The following PTPRD variants were observed in gnomAD, a reference collection of about 807,000 sequenced individuals.
The protein encoded by PTPRD is protein tyrosine phosphatase receptor type D.
Under a neutral mutation model 214.5 loss-of-function variants are expected in PTPRD, and 34 were observed. That is an observed-to-expected ratio of 0.16 (90% CI 0.12 to 0.21). PTPRD has a LOEUF of 0.21. Ranked by LOEUF, PTPRD falls within the 10% of genes least tolerant of loss-of-function variation. The probability of loss-of-function intolerance (pLI) is 1.00; values close to 1 mark genes in which losing one functional copy is unlikely to be tolerated. For missense variants in PTPRD, 2,545 were observed against 2,398.7 expected (o/e 1.06, Z -1.27); for synonymous variants, 1,128 against 845.7 (o/e 1.33, Z -5.79).
chr9:8,332,186 G>GGCATGTCATCCAGACCAGA (rs1433890228), intron 43 of PTPRD, among the ~76,000 whole-genome samples: 1 of 152,038 alleles, frequency 6.6e-6, no homozygotes, highest in Non-Finnish European at 1.5e-5. Flanking sequence ...CAAGCACCTA[G>GGCATGTCATCCAGACCAGA]GCATGTCATC....
intron 11 of PTPRD, among the ~76,000 whole-genome samples, chr9:8,812,473 T>C (rs909194545): frequency 1.3e-5 from 2 of 152,330 alleles, no homozygotes; most frequent in African/African-American, 4.8e-5. Flanking sequence ...CCACTTATTT[T>C]TTACTCTCAA....
At chr9:9,158,415 C>T (rs1250448749) in intron 10 of PTPRD, among the ~76,000 whole-genome samples, 6 of 152,030 alleles carry the variant, frequency 3.9e-5, no homozygotes, top group Non-Finnish European at 2.9e-5. Flanking sequence ...GCCTGGCCAA[C>T]ATGCTAAAAC....
chr9:9,564,188 A>G (rs922165736), intron 8 of PTPRD, among the ~76,000 whole-genome samples: 3 of 152,170 alleles, frequency 2.0e-5, no homozygotes, highest in African/African-American at 7.2e-5. Context: ...GTACCTGTGT[A>G]TTAACTTTGT....
At chr9:9,353,196 T>C (rs1330699567) in intron 9 of PTPRD, among the ~76,000 whole-genome samples, 2 of 151,916 alleles carry the variant, frequency 1.3e-5, no homozygotes, top group Non-Finnish European at 2.9e-5. Context: ...GTATCTTGAT[T>C]CAGGTTACCA....
At chr9:9,895,874 T>C in intron 5 of PTPRD, among the ~76,000 whole-genome samples, 1 of 152,122 alleles carries the variant, frequency 6.6e-6, no homozygotes, top group East Asian at 1.9e-4. Context: ...AAATCGAGTC[T>C]ATCACGAAGG....
At chr9:8,562,844 TTTC>T (rs1321384439) in intron 14 of PTPRD, among the ~76,000 whole-genome samples, 17 of 151,460 alleles carry the variant, frequency 1.1e-4, no homozygotes, top group Admixed American at 5.3e-4. Context: ...CTGCAAAGAT[TTTC>T]TTTTTTTTTT....
chr9:8,700,362 T>C (rs1344247497), intron 12 of PTPRD, among the ~76,000 whole-genome samples: 1 of 152,240 alleles, frequency 6.6e-6, no homozygotes, highest in Non-Finnish European at 1.5e-5. Flanking sequence ...TTCAGAACTT[T>C]CACAATTGTC....
intron 2 of PTPRD, among the ~76,000 whole-genome samples, chr9:10,527,046 C>G (rs2054512988): frequency 6.6e-6 from 1 of 152,068 alleles, no homozygotes; most frequent in Admixed American, 6.6e-5. Context: ...AAAAGCAACT[C>G]TATTTACTTA....
chr9:10,158,662 A>G (rs142417659), intron 3 of PTPRD, among the ~76,000 whole-genome samples: 1,631 of 152,266 alleles, frequency 0.011, 27 homozygotes, highest in African/African-American at 0.036. Flanking sequence ...GCATATGGTA[A>G]AAGAACCAAA....
chr9:10,605,543 T>C (rs1033239575), intron 2 of PTPRD, among the ~76,000 whole-genome samples: 4 of 151,766 alleles, frequency 2.6e-5, no homozygotes, highest in South Asian at 2.1e-4. Flanking sequence ...GAAAACAGCA[T>C]AGACTGCAAC....
intron 11 of PTPRD, among the ~76,000 whole-genome samples, chr9:8,814,004 A>C (rs1191036762): frequency 6.6e-6 from 1 of 152,030 alleles, no homozygotes; most frequent in Non-Finnish European, 1.5e-5. Context: ...AGGTGTATTT[A>C]TTTTTCTCCC....
At chr9:9,926,178 T>A (rs568474302) in intron 5 of PTPRD, among the ~76,000 whole-genome samples, 2 of 152,258 alleles carry the variant, frequency 1.3e-5, no homozygotes, top group East Asian at 3.9e-4. Flanking sequence ...CTACCTATCT[T>A]ATACTTACCT....
intron 7 of PTPRD, among the ~76,000 whole-genome samples, chr9:9,690,707 T>G (rs181345223): frequency 6.6e-6 from 1 of 152,060 alleles, no homozygotes; most frequent in Admixed American, 6.6e-5. Context: ...CCCAGCACAT[T>G]TGATTGAAGA....
At chr9:9,943,589 T>G (rs2092016635) in intron 4 of PTPRD, among the ~76,000 whole-genome samples, 1 of 152,106 alleles carries the variant, frequency 6.6e-6, no homozygotes, top group Non-Finnish European at 1.5e-5. Context: ...TATGCTATAT[T>G]AGAAGATATT....
intron 8 of PTPRD, among the ~76,000 whole-genome samples, chr9:9,411,065 G>A (rs1483181799): frequency 6.6e-6 from 1 of 152,054 alleles, no homozygotes; most frequent in Non-Finnish European, 1.5e-5. Flanking sequence ...GTGTGTGTGT[G>A]TTGGACTAGA....
intron 7 of PTPRD, among the ~76,000 whole-genome samples, chr9:9,649,412 T>A (rs2154371642): frequency 6.6e-6 from 1 of 152,302 alleles, no homozygotes; most frequent in South Asian, 2.1e-4. Flanking sequence ...TATAAACTGC[T>A]TAAGTTTAAT....
chr9:8,647,440 C>T (rs1031386397), intron 12 of PTPRD, among the ~76,000 whole-genome samples: 2 of 152,028 alleles, frequency 1.3e-5, no homozygotes, highest in African/African-American at 4.8e-5. Context: ...TTGTAACCAA[C>T]GTTTCATTTA....
intron 7 of PTPRD, among the ~76,000 whole-genome samples, chr9:9,593,985 A>G (rs1389047852): frequency 1.3e-5 from 2 of 152,070 alleles, no homozygotes; most frequent in East Asian, 3.9e-4. Flanking sequence ...ATCTATTGGT[A>G]TGACAATATA....
chr9:9,091,285 G>T, intron 10 of PTPRD: 4 of 1,138,230 alleles, frequency 3.5e-6, no homozygotes, highest in Non-Finnish European at 3.9e-6. Context: ...GCTATTCTCT[G>T]GAGAAAAATA....
Sources: gnomAD v4.1 joint callset for allele counts (sites outside exome capture counted in the v4.1 genomes callset) on GRCh38, gnomAD v4.1.1 for gene constraint, MANE v1.5 for transcripts, NCBI Gene and HGNC (gene_info 2026-07-23, HGNC 2026-07-21) for gene names.